Variants in KDM4C observed in about 807,000 individuals in gnomAD.
KDM4C encodes the protein lysine demethylase 4C.
KDM4C carries 81 observed loss-of-function variants against 129.3 expected under a neutral mutation model. The ratio of observed to expected loss-of-function variants is 0.63; its 90% CI spans 0.52 to 0.75. KDM4C has a LOEUF of 0.75. Among genes scored for constraint, KDM4C ranks in the 30% least tolerant of loss-of-function variants. KDM4C has a pLI of 0.00. For missense variants in KDM4C, 1,457 were observed against 1,304.0 expected (o/e 1.12, Z -1.81); for synonymous variants, 573 against 456.1 (o/e 1.26, Z -3.26).
chr9:6,935,478 A>G (rs1211964717), intron 8 of KDM4C, among the ~76,000 whole-genome samples: 1 of 151,180 alleles, frequency 6.6e-6, no homozygotes, highest in Non-Finnish European at 1.5e-5. Context: ...GTGCAGTGGC[A>G]TGATCTCAGT....
chr9:6,725,696 C>A (rs1312556733), intron 1 of KDM4C, among the ~76,000 whole-genome samples: 71 of 127,912 alleles, frequency 5.6e-4, no homozygotes, highest in African/African-American at 1.9e-3. Flanking sequence ...TCTTTCTTTT[C>A]TTTTCTTTTC....
intron 17 of KDM4C, among the ~76,000 whole-genome samples, chr9:7,068,855 C>G (rs1051897447): frequency 6.6e-6 from 1 of 151,868 alleles, no homozygotes. Flanking sequence ...CACCACCACG[C>G]CCAGCTAGTT....
chr9:7,121,003 A>G (rs1839427803), intron 18 of KDM4C, among the ~76,000 whole-genome samples: 1 of 152,250 alleles, frequency 6.6e-6, no homozygotes, highest in African/African-American at 2.4e-5. Context: ...ATACAGAGAA[A>G]CACATAAAGA....
chr9:6,753,607 G>A (rs1473979305), upstream of KDM4C, among the ~76,000 whole-genome samples: 9 of 151,900 alleles, frequency 5.9e-5, no homozygotes, highest in Admixed American at 3.9e-4. Flanking sequence ...GAAGTTTATC[G>A]GCTCGCAGTT....
intron 3 of KDM4C, among the ~76,000 whole-genome samples, chr9:6,807,908 A>G (rs188843842): frequency 2.0e-5 from 2 of 102,514 alleles, no homozygotes; most frequent in African/African-American, 8.2e-5. Context: ...GTCAGCCCCC[A>G]GCCCGGCCAG....
At chr9:6,945,543 A>G (rs191338128) in intron 8 of KDM4C, among the ~76,000 whole-genome samples, 80 of 152,320 alleles carry the variant, frequency 5.3e-4, no homozygotes, top group African/African-American at 1.9e-3. Flanking sequence ...TCATCTTTTA[A>G]GTAGGATCTA....
At chr9:7,100,739 T>C (rs1393237993) in intron 17 of KDM4C, among the ~76,000 whole-genome samples, 1 of 152,192 alleles carries the variant, frequency 6.6e-6, no homozygotes, top group Admixed American at 6.5e-5. Flanking sequence ...CTTTTAATTA[T>C]GGATTCTTCC....
chr9:6,738,691 T>C (rs962104979), intron 1 of KDM4C, among the ~76,000 whole-genome samples: 8 of 151,956 alleles, frequency 5.3e-5, no homozygotes, highest in Admixed American at 3.3e-4. Context: ...GCAATTCTCC[T>C]GCTTCAGCCT....
chr9:6,918,766 T>G (rs1279724400), intron 8 of KDM4C, among the ~76,000 whole-genome samples: 1 of 152,234 alleles, frequency 6.6e-6, no homozygotes, highest in Admixed American at 6.5e-5. Context: ...ATTTCTCTAA[T>G]GATTAGTGAT....
At chr9:6,883,272 G>T (rs980022957) in intron 6 of KDM4C, among the ~76,000 whole-genome samples, 1 of 152,070 alleles carries the variant, frequency 6.6e-6, no homozygotes, top group Non-Finnish European at 1.5e-5. Flanking sequence ...GTTTTGAAAG[G>T]CTTATAAATA....
intron 8 of KDM4C, among the ~76,000 whole-genome samples, chr9:6,951,731 A>G (rs1400608374): frequency 1.3e-5 from 2 of 152,232 alleles, no homozygotes; most frequent in Non-Finnish European, 2.9e-5. Context: ...GTCCTATTTC[A>G]TGCATTTAAT....
chr9:7,146,188 A>T (rs1369155318), intron 19 of KDM4C, among the ~76,000 whole-genome samples: 1 of 152,254 alleles, frequency 6.6e-6, no homozygotes, highest in Non-Finnish European at 1.5e-5. Flanking sequence ...GTATAAAAAT[A>T]TAAATATGCA....
At chr9:6,971,730 A>G (rs1033155751) in intron 8 of KDM4C, among the ~76,000 whole-genome samples, 1 of 152,174 alleles carries the variant, frequency 6.6e-6, no homozygotes, top group Non-Finnish European at 1.5e-5. Context: ...TCCCCCATGT[A>G]GTAATGCAAT....
intron 8 of KDM4C, among the ~76,000 whole-genome samples, chr9:6,963,293 A>G (rs1168800345): frequency 4.6e-5 from 7 of 152,230 alleles, no homozygotes; most frequent in Admixed American, 4.6e-4. Context: ...TTGGAAATAT[A>G]TTCATGGACA....
intron 9 of KDM4C, among the ~76,000 whole-genome samples, chr9:6,983,640 C>G (rs1332459741): frequency 2.7e-5 from 4 of 149,090 alleles, no homozygotes; most frequent in African/African-American, 9.9e-5. Flanking sequence ...GTTTTAAATC[C>G]TTTCGCTATT....
chr9:6,978,491 T>A (rs978598062), intron 8 of KDM4C: 1 of 152,214 alleles, frequency 6.6e-6, no homozygotes. Context: ...GTGGCATGTT[T>A]CTGTACCTCC....
chr9:7,136,372 G>A (rs1007654807), intron 19 of KDM4C, among the ~76,000 whole-genome samples: 1 of 152,172 alleles, frequency 6.6e-6, no homozygotes, highest in Non-Finnish European at 1.5e-5. Context: ...AAGTTATATG[G>A]TAAGTGTGTG....
chr9:6,843,479 G>C (rs1426450248), intron 4 of KDM4C, among the ~76,000 whole-genome samples: 1 of 152,224 alleles, frequency 6.6e-6, no homozygotes, highest in Non-Finnish European at 1.5e-5. Flanking sequence ...CTCCACTTCT[G>C]CTAGGAATAA....
chr9:6,747,202 AAACCAACC>A (rs1554666609), intron 1 of KDM4C, among the ~76,000 whole-genome samples: 7 of 132,972 alleles, frequency 5.3e-5, no homozygotes, highest in Admixed American at 3.1e-4. Context: ...CCAAAAAACC[AAACCAACC>A]AACCAACCAA....
Sources: gnomAD v4.1 joint callset for allele counts (sites outside exome capture counted in the v4.1 genomes callset) on GRCh38, gnomAD v4.1.1 for gene constraint, MANE v1.5 for transcripts, NCBI Gene and HGNC (gene_info 2026-07-23, HGNC 2026-07-21) for gene names.